The following MLEC variants were observed in gnomAD, a reference collection of about 807,000 sequenced individuals.
MLEC encodes the protein malectin.
A neutral mutation model predicts 28.7 loss-of-function variants in MLEC; 7 were observed. That is an observed-to-expected ratio of 0.24 (90% CI 0.14 to 0.46). The LOEUF (loss-of-function observed/expected upper bound fraction) is 0.46. MLEC is among the 20% of genes least tolerant of loss of function. The pLI is 0.99. For missense variants in MLEC, 237 were observed against 391.1 expected, an observed-to-expected ratio of 0.61 and a Z score of 3.32; for synonymous variants, 142 against 164.4, an observed-to-expected ratio of 0.86 and a Z score of 1.04.
At chr12:120,693,294 T>A (rs1311708574) in intron 1 of MLEC, among the ~76,000 whole-genome samples, 2 of 152,258 alleles carry the variant, frequency 1.3e-5, no homozygotes, top group East Asian at 3.8e-4. Context: ...AGGCACCTCC[T>A]TCATTGTCAT....
intron 1 of MLEC, among the ~76,000 whole-genome samples, chr12:120,693,154 C>T (rs577958155): frequency 3.7e-4 from 56 of 152,258 alleles, no homozygotes; most frequent in Non-Finnish European, 6.2e-4. Flanking sequence ...CTTTTATCCT[C>T]TCTCATTCCT....
At chr12:120,693,927 T>C (rs1882127917) in intron 1 of MLEC, 164 bp from the exon 2 acceptor site, 4 of 590,294 alleles carry the variant, frequency 6.8e-6, no homozygotes, top group Non-Finnish European at 1.2e-5. Context: ...GTATGATTCC[T>C]GCCTTTGTTG....
Position 120,698,990 on chromosome 12 carries a change from C to T in MLEC, c.*2445C>T, listed in dbSNP as rs897053700. 1.3e-5 allele frequency: 2 copies of T among 152,594 alleles called. No homozygotes were observed. The highest frequency in any genetic ancestry group is 6.5e-5 in the Admixed American group (1 of 15,290). 9.5% of individuals were successfully genotyped at this position (152,594 alleles called of 1,614,324 possible). A position where few individuals can be genotyped will look rare whatever the true frequency, so the allele number is the denominator to read the frequency against. Reference sequence around the variant, plus strand: ...GGGGTAGACTCCCCTGGAGCCAAGCCTATCCAGCTAACAAGAGCTCCCTGG... The same window carrying T: ...GGGGTAGACTCCCCTGGAGCCAAGCTTATCCAGCTAACAAGAGCTCCCTGG... On this transcript the variant is annotated 3_prime_UTR_variant, in exon 5 of 5. Coordinates refer to ENST00000228506, the MANE Select transcript of MLEC (RefSeq NM_014730.4).
chr12:120,699,250 C>CCATA lies in MLEC; in HGVS notation c.*2706_*2709dup, dbSNP rs962558106. The CCATA allele has an allele frequency of 6.6e-6, 1 of 152,654 alleles. No homozygotes were observed. The highest frequency in any genetic ancestry group is 2.4e-5 in the African/African-American group (1 of 41,374). The allele number at this position is 152,654 out of a possible 1,614,324, so 9.5% of individuals were successfully genotyped here. A position where few individuals can be genotyped will look rare whatever the true frequency, so the allele number is the denominator to read the frequency against. The stretch of plus-strand genomic sequence containing the variant: ...TTAGTGCTAGGACTGAGAGGCTGCA[C>CCATA]CATAGGGAATGTATGGGAGATGGTG... On this transcript the variant is annotated 3_prime_UTR_variant, in exon 5 of 5. Transcript: ENST00000228506.
In MLEC at chr12:120,698,267, A is replaced by G. The variant is rs747292034; in HGVS notation, c.*1722A>G. ...TTTGAACTGCTCCTTATGTGACAAA[A>G]TAGGTAGCTCTTGGGCTCATGTCCT... On this transcript the variant is annotated 3_prime_UTR_variant, in exon 5 of 5. Coordinates refer to ENST00000228506, the MANE Select transcript of MLEC (RefSeq NM_014730.4). The G allele has an allele frequency of 2.0e-5, 3 of 152,206 alleles. No individual in the cohort carries two copies. Among genetic ancestry groups the G allele is most frequent in the East Asian group, 1.9e-4 (1 of 5,204 alleles). The allele number at this position is 152,206 out of a possible 1,614,324, so 9.4% of individuals were successfully genotyped here.
intron 1 of MLEC, among the ~76,000 whole-genome samples, chr12:120,689,654 A>G (rs1881964518): frequency 6.6e-6 from 1 of 152,232 alleles, no homozygotes; most frequent in South Asian, 2.1e-4. Flanking sequence ...TACCAAGGGA[A>G]GTCCAGCTGT....
intron 1 of MLEC, among the ~76,000 whole-genome samples, chr12:120,693,444 G>A (rs1882113465): frequency 6.6e-6 from 1 of 152,178 alleles, no homozygotes; most frequent in Admixed American, 6.5e-5. Flanking sequence ...GTGGAGTTTT[G>A]TGAGTCTGTG....
intron 3 of MLEC, 27 bp downstream of exon 3, chr12:120,695,027 G>A: frequency 6.2e-7 from 1 of 1,614,118 alleles, no homozygotes; most frequent in Non-Finnish European, 8.5e-7. Context: ...GCCCATTGCT[G>A]AAGAGAGTGG....
At chr12:120,693,275 C>T (rs1566013490) in intron 1 of MLEC, among the ~76,000 whole-genome samples, 1 of 152,266 alleles carries the variant, frequency 6.6e-6, no homozygotes, top group East Asian at 1.9e-4. Context: ...CATGGCTTCA[C>T]TGCTTTGCAG....
rs1215349023 is a variant in MLEC, at chr12:120,699,579, CTG to C, written c.*3037_*3038del. On this transcript the variant is annotated 3_prime_UTR_variant, in exon 5 of 5. Coordinates refer to ENST00000228506, the MANE Select transcript of MLEC (RefSeq NM_014730.4). ...TACTGAAACATTGTGCCAAGAAACTCTGTGGGATTTGTGTCCCTTAAACCAGA... is the reference window on the plus strand; with the variant it reads ...TACTGAAACATTGTGCCAAGAAACTCTGGGATTTGTGTCCCTTAAACCAGA... 2 of 152,226 alleles carry C rather than the reference CTG, an allele frequency of 1.3e-5. No individual in the cohort carries two copies. Among genetic ancestry groups the C allele is most frequent in the Admixed American group, 6.5e-5 (1 of 15,282 alleles). 9.4% of individuals were successfully genotyped at this position (152,226 alleles called of 1,614,324 possible).
chr12:120,695,131 A>G lies in MLEC; in HGVS notation c.628A>G (p.Ile210Val). 2 of 1,614,152 alleles carry G rather than the reference A, an allele frequency of 1.2e-6. No homozygotes were observed. Among genetic ancestry groups the G allele is most frequent in the Non-Finnish European group, 1.7e-6 (2 of 1,180,024 alleles). ...YDNPKVCALY[I>V]MAGTVDDVPK... is the part of the protein sequence containing the mutation. ...CAATCCCAAGGTCTGTGCACTCTAC[A>G]TCATGGCTGGGACAGTGGATGGTAG... Residue 210 changes from isoleucine to valine, a missense_variant, in exon 4 of 5, where the codon ATC (isoleucine) becomes GTC (valine). Ile to Val is a conservative substitution (Grantham distance 29). Transcript: ENST00000228506.
chr12:120,691,021 T>G (rs892989820), intron 1 of MLEC, among the ~76,000 whole-genome samples: 1 of 152,210 alleles, frequency 6.6e-6, no homozygotes, highest in Non-Finnish European at 1.5e-5. Context: ...AAGAACAGTC[T>G]AGTGACCAGG....
chr12:120,695,035 T>C, intron 3 of MLEC, 35 bp downstream of exon 3: 1 of 1,613,816 alleles, frequency 6.2e-7, no homozygotes, highest in Non-Finnish European at 8.5e-7. Flanking sequence ...CTGAAGAGAG[T>C]GGGTACAGGG....
rs2137412877 is a variant in MLEC at position 120,689,224 on chromosome 12, T to C, written c.235+1693T>C. Among the ~76,000 whole-genome samples, 3 of 152,204 alleles carry C rather than the reference T, an allele frequency of 2.0e-5. No individual in the cohort carries two copies. In the South Asian group the frequency reaches 6.2e-4, roughly 32 times the overall value. ...CAGGTGGTGTGTGTGTGTGTGTGTGTGTGTGTGTGTTTCTTTGGCTTGGTC... is the reference window on the plus strand; with the variant it reads ...CAGGTGGTGTGTGTGTGTGTGTGTGCGTGTGTGTGTTTCTTTGGCTTGGTC... On this transcript the variant is annotated intron_variant, in intron 1 of 4. Coordinates refer to ENST00000228506, the MANE Select transcript of MLEC (RefSeq NM_014730.4).
At chr12:120,690,067 T>C (rs1881980128) in intron 1 of MLEC, among the ~76,000 whole-genome samples, 1 of 152,238 alleles carries the variant, frequency 6.6e-6, no homozygotes, top group Non-Finnish European at 1.5e-5. Flanking sequence ...TCAGCCTGTG[T>C]GCTTCCACAG....
chr12:120,691,867 A>C (rs1237471254), intron 1 of MLEC, among the ~76,000 whole-genome samples: 1 of 152,206 alleles, frequency 6.6e-6, no homozygotes, highest in African/African-American at 2.4e-5. Flanking sequence ...GCAAGAAAAA[A>C]AAAAAGATTC....
chr12:120,693,743 G>T (rs939518549), intron 1 of MLEC, among the ~76,000 whole-genome samples: 15 of 152,322 alleles, frequency 9.8e-5, no homozygotes, highest in Middle Eastern at 3.4e-3. Context: ...TGGGGAACCA[G>T]GCAGCTGCAA....
rs2137422453 is a variant in MLEC, at chr12:120,697,534, A to T, written c.*989A>T. On this transcript the variant is annotated 3_prime_UTR_variant, in exon 5 of 5. Transcript: ENST00000228506. The surrounding 1 kb of genome is among the most constrained non-coding windows in gnomAD (Gnocchi z 4.8). The stretch of plus-strand genomic sequence containing the variant: ...AGCAGTTCTTTACTGGCCCCTTTGT[A>T]GGGCCTTGCTGCCAGGGGGCAGGGA... 6.5e-6 allele frequency: 1 copy of T among 152,760 alleles called. No homozygotes were observed. Among genetic ancestry groups the T allele is most frequent in the African/African-American group, 2.4e-5 (1 of 41,554 alleles). The allele number at this position is 152,760 out of a possible 1,614,324, so 9.5% of individuals were successfully genotyped here. A position where few individuals can be genotyped will look rare whatever the true frequency, so the allele number is the denominator to read the frequency against.
At chr12:120,690,906 T>C (rs985893987) in intron 1 of MLEC, among the ~76,000 whole-genome samples, 8 of 152,170 alleles carry the variant, frequency 5.3e-5, no homozygotes, top group Non-Finnish European at 1.2e-4. Context: ...ATAGTGGAAG[T>C]TCACAGGTAG....
Sources: gnomAD v4.1 joint callset for allele counts (sites outside exome capture counted in the v4.1 genomes callset) on GRCh38, gnomAD v4.1.1 for gene constraint, Gnocchi (gnomAD v3.1) non-coding constraint, MANE v1.5 for transcripts, NCBI Gene and HGNC (gene_info 2026-07-23, HGNC 2026-07-21) for gene names.